Variants in NCAM2 observed in about 807,000 individuals in gnomAD.
The protein encoded by NCAM2 is N-CAM-2.
In NCAM2, 30 loss-of-function variants were observed where a neutral mutation model predicts 98.1. That is an observed-to-expected ratio of 0.31 (90% confidence interval 0.23 to 0.41). The LOEUF is 0.41. NCAM2 is among the 10% of genes least tolerant of loss of function. The pLI is 1.00. For missense variants in NCAM2, 867 were observed against 1,005.8 expected, an observed-to-expected ratio of 0.86 and a Z score of 1.87; for synonymous variants, 368 against 342.4, an observed-to-expected ratio of 1.07 and a Z score of -0.83.
Position 21,398,070 on chromosome 21 carries a change from T to A in NCAM2, c.1196-12204T>A, listed in dbSNP as rs1024268699. Among the ~76,000 whole-genome samples the A allele has an allele frequency of 2.0e-5, 3 of 152,228 alleles. No homozygotes were observed. The East Asian group carries it at 5.8e-4, about 29-fold the overall frequency. On this transcript the variant is annotated intron_variant, in intron 9 of 17. Transcript: ENST00000400546. ...AAAGAAAATGTAGTGTGTGCGTGAATACTATTCAGCCATATGAAGGAACAA... is the reference window on the plus strand; with the variant it reads ...AAAGAAAATGTAGTGTGTGCGTGAAAACTATTCAGCCATATGAAGGAACAA...
intron 1 of NCAM2, among the ~76,000 whole-genome samples, chr21:21,274,373 T>A (rs1283651412): frequency 1.3e-5 from 2 of 152,226 alleles, no homozygotes; most frequent in East Asian, 1.9e-4. Context: ...AAATAATTTT[T>A]AAAAAATATT....
intron 1 of NCAM2, among the ~76,000 whole-genome samples, chr21:21,145,379 TG>T (rs146381400): frequency 0.42 from 63,170 of 151,882 alleles, 13,453 homozygotes; most frequent in African/African-American, 0.51. Flanking sequence ...ATAGCTAATT[TG>T]AAATTGAGTA....
intron 16 of NCAM2, among the ~76,000 whole-genome samples, chr21:21,528,272 G>T (rs963128454): frequency 1.3e-5 from 2 of 152,118 alleles, no homozygotes; most frequent in Admixed American, 1.3e-4. Context: ...ATAATTGTGA[G>T]AAAATGTCAT....
rs1276253214 is a variant in NCAM2, at chr21:21,453,084, T to A, written c.1655-13522T>A. 1.6e-5 allele frequency among the ~76,000 whole-genome samples: 2 copies of A among 126,264 alleles called. 1 individual carries two copies. The highest frequency in any genetic ancestry group is 4.2e-4 in the East Asian group (2 of 4,706). The allele number at this position is 126,264 out of a possible 152,430, so 82.8% of individuals were successfully genotyped here. A position where few individuals can be genotyped will look rare whatever the true frequency, so the allele number is the denominator to read the frequency against. On this transcript the variant is annotated intron_variant, in intron 12 of 17. Transcript: ENST00000400546. ...AAATATATTTATAAATTATTATATATTTAATATATTATATTAAATATATAT... is the reference window on the plus strand; with the variant it reads ...AAATATATTTATAAATTATTATATAATTAATATATTATATTAAATATATAT...
chr21:21,330,691 C>A (rs563158195), intron 6 of NCAM2, among the ~76,000 whole-genome samples: 5 of 151,820 alleles, frequency 3.3e-5, no homozygotes, highest in African/African-American at 1.2e-4. Context: ...ATATTCAGTT[C>A]TCTCTGTTTT....
chr21:21,295,353 T>C (rs1307985964), intron 5 of NCAM2, among the ~76,000 whole-genome samples: 3 of 151,852 alleles, frequency 2.0e-5, no homozygotes, highest in Admixed American at 6.6e-5. Context: ...TTTTCTTACC[T>C]CCCTCTGTGA....
At chr21:21,356,209 C>G (rs117694397) in intron 8 of NCAM2, among the ~76,000 whole-genome samples, 6,018 of 152,140 alleles carry the variant, frequency 0.04, 164 homozygotes, top group East Asian at 0.12. Flanking sequence ...AAATATCTCA[C>G]CACGTAAATA....
At chr21:21,287,326 A>G (rs1285001200) in intron 4 of NCAM2, among the ~76,000 whole-genome samples, 2 of 152,040 alleles carry the variant, frequency 1.3e-5, no homozygotes, top group African/African-American at 4.8e-5. Context: ...GGGAGAATGT[A>G]TGATAATCAT....
At chr21:21,296,267 A>T (rs564790812) in intron 5 of NCAM2, among the ~76,000 whole-genome samples, 1 of 151,922 alleles carries the variant, frequency 6.6e-6, no homozygotes, top group South Asian at 2.1e-4. Flanking sequence ...TTCACAGACT[A>T]TTTTTTGAGA....
chr21:21,525,222 C>A (rs1461548254), intron 16 of NCAM2, among the ~76,000 whole-genome samples: 1 of 151,936 alleles, frequency 6.6e-6, no homozygotes, highest in Non-Finnish European at 1.5e-5. Flanking sequence ...AAAGCTGGTT[C>A]TTTTAAAAGA....
intron 9 of NCAM2, among the ~76,000 whole-genome samples, chr21:21,407,788 A>T (rs868736381): frequency 6.6e-6 from 1 of 152,322 alleles, no homozygotes; most frequent in East Asian, 1.9e-4. Context: ...ATCCTCTCCA[A>T]GAAATAGTAT....
intron 1 of NCAM2, among the ~76,000 whole-genome samples, chr21:21,057,414 C>T (rs1460616948): frequency 6.6e-6 from 1 of 152,118 alleles, no homozygotes; most frequent in East Asian, 1.9e-4. Context: ...TGTAATGACA[C>T]TTCCATTTTA....
chr21:21,080,863 G>A (rs567916837), intron 1 of NCAM2, among the ~76,000 whole-genome samples: 48 of 152,144 alleles, frequency 3.2e-4, no homozygotes, highest in African/African-American at 9.9e-4. Flanking sequence ...CGACCAATGG[G>A]TATAAGGCAG....
chr21:21,350,415 A>C (rs1416716605), intron 8 of NCAM2, among the ~76,000 whole-genome samples: 1 of 152,112 alleles, frequency 6.6e-6, no homozygotes, highest in Non-Finnish European at 1.5e-5. Flanking sequence ...TTATACTACA[A>C]TCCAGGACAG....
chr21:21,127,775 G>A lies in NCAM2; in HGVS notation c.55+129157G>A, dbSNP rs529209810. Among the ~76,000 whole-genome samples the A allele has an allele frequency of 3.7e-4, 56 of 152,114 alleles. No homozygotes were observed. The South Asian group carries it at 0.012, about 32-fold the overall frequency. ...GTCTTCTAGTTCCATCTATGTTGCT[G>A]CAAATGACAGGTTTTATTTTTATGA... On this transcript the variant is annotated intron_variant, in intron 1 of 17. Transcript: ENST00000400546.
intron 1 of NCAM2, among the ~76,000 whole-genome samples, chr21:21,212,602 G>T (rs76296579): frequency 6.6e-6 from 1 of 152,228 alleles, no homozygotes; most frequent in Admixed American, 6.5e-5. Context: ...ACTAAGATAG[G>T]TGGGTCATAT....
intron 1 of NCAM2, among the ~76,000 whole-genome samples, chr21:21,159,242 T>A (rs923309078): frequency 1.3e-5 from 2 of 152,084 alleles, no homozygotes; most frequent in African/African-American, 4.8e-5. Flanking sequence ...AGTCAAATTT[T>A]AAAAAATAAA....
chr21:21,527,088 C>G (rs1170903261), intron 16 of NCAM2, among the ~76,000 whole-genome samples: 2 of 150,522 alleles, frequency 1.3e-5, no homozygotes, highest in Non-Finnish European at 3.0e-5. Flanking sequence ...GATTCAACAC[C>G]AAAAGCACAA....
intron 1 of NCAM2, among the ~76,000 whole-genome samples, chr21:21,190,715 C>T (rs2068792987): frequency 1.3e-5 from 2 of 152,124 alleles, no homozygotes; most frequent in South Asian, 4.1e-4. Flanking sequence ...CAAGTTTTAG[C>T]TCTACTGTTT....
Sources: gnomAD v4.1 joint callset for allele counts (sites outside exome capture counted in the v4.1 genomes callset) on GRCh38, gnomAD v4.1.1 for gene constraint, MANE v1.5 for transcripts, NCBI Gene and HGNC (gene_info 2026-07-23, HGNC 2026-07-21) for gene names.